Variants in CDH18 observed in about 807,000 individuals in gnomAD.
The protein encoded by CDH18 is cadherin-18.
In CDH18, 31 loss-of-function variants were observed where a neutral mutation model predicts 67.9. The observed-to-expected ratio is 0.46, with a 90% confidence interval of 0.34 to 0.62. CDH18 has a LOEUF of 0.62. Among genes scored for constraint, CDH18 ranks in the 20% least tolerant of loss-of-function variants. The pLI, the probability that CDH18 is intolerant of heterozygous loss-of-function variation, is 0.01. For missense variants in CDH18, 890 were observed against 975.5 expected (o/e 0.91, Z 1.17); for synonymous variants, 362 against 347.2 (o/e 1.04, Z -0.48).
chr5:20,109,194 T>G (rs1399549703), intron 2 of CDH18, among the ~76,000 whole-genome samples: 2 of 152,184 alleles, frequency 1.3e-5, no homozygotes, highest in Non-Finnish European at 2.9e-5. Context: ...GAAATGGGGA[T>G]AGCAATTGAG....
At chr5:20,020,466 T>C (rs1168188764) in intron 2 of CDH18, among the ~76,000 whole-genome samples, 2 of 152,026 alleles carry the variant, frequency 1.3e-5, no homozygotes, top group East Asian at 1.9e-4. Flanking sequence ...GAGGGAAGAA[T>C]AGTTTTGCAG....
chr5:20,356,870 CTA>C (rs145257142), intron 1 of CDH18, among the ~76,000 whole-genome samples: 6,755 of 148,488 alleles, frequency 0.045, 496 homozygotes, highest in African/African-American at 0.16. Context: ...TACATATATA[CTA>C]TATATATACT....
chr5:20,479,873 C>A (rs757871066), intron 1 of CDH18, among the ~76,000 whole-genome samples: 1 of 151,928 alleles, frequency 6.6e-6, no homozygotes, highest in Non-Finnish European at 1.5e-5. Flanking sequence ...AAGAAAGTAA[C>A]CTAAAAGCAG....
rs574191954 is a variant in CDH18, at chr5:20,282,120, C to T, written c.-579-26615G>A. 1.6e-3 allele frequency among the ~76,000 whole-genome samples: 248 copies of T among 152,204 alleles called. 1 individual carries two copies. Among genetic ancestry groups the T allele is most frequent in the African/African-American group, 5.6e-3 (233 of 41,546 alleles). ...AGCTTAAGGAGATTTTGGGCTGAGACGATGGGGTTTTCTAGATATACAATC... is the reference window on the plus strand; with the variant it reads ...AGCTTAAGGAGATTTTGGGCTGAGATGATGGGGTTTTCTAGATATACAATC... On this transcript the variant is annotated intron_variant, in intron 1 of 14. Transcript: ENST00000507958.
intron 2 of CDH18, among the ~76,000 whole-genome samples, chr5:20,065,008 C>T (rs1742851360): frequency 6.6e-6 from 1 of 151,916 alleles, no homozygotes; most frequent in South Asian, 2.1e-4. Context: ...ATTAATTTTC[C>T]TAAACTGTTA....
At chr5:19,650,778 T>A (rs1755461678) in intron 5 of CDH18, among the ~76,000 whole-genome samples, 1 of 151,946 alleles carries the variant, frequency 6.6e-6, no homozygotes. Flanking sequence ...TATATGGGAG[T>A]AATCACAAAT....
chr5:19,899,863 C>T (rs865834064), intron 2 of CDH18, among the ~76,000 whole-genome samples: 3 of 152,086 alleles, frequency 2.0e-5, no homozygotes, highest in Non-Finnish European at 2.9e-5. Context: ...CATGATTCCA[C>T]TTATACGAGG....
In CDH18 at chr5:19,886,561, C is replaced by T. The variant is rs144797512; in HGVS notation, c.-256-47319G>A. ...GTTCCTGAGATTTGCTGTGTTTCCT[C>T]GCAATCAATCTTTCTCTTTTGAGTA... On this transcript the variant is annotated intron_variant, in intron 2 of 12. Transcript: ENST00000382275. 2.6e-4 allele frequency among the ~76,000 whole-genome samples: 40 copies of T among 152,228 alleles called. 1 individual carries two copies. The East Asian group carries it at 7.4e-3, about 28-fold the overall frequency.
chr5:20,570,920 G>GA, intron 1 of CDH18, among the ~76,000 whole-genome samples: 1 of 152,248 alleles, frequency 6.6e-6, no homozygotes, highest in South Asian at 2.1e-4. Context: ...ATTTTGTAGA[G>GA]AAAACAATTC....
intron 9 of CDH18, among the ~76,000 whole-genome samples, chr5:19,541,078 A>G (rs1421783113): frequency 1.3e-5 from 2 of 152,120 alleles, no homozygotes; most frequent in Non-Finnish European, 2.9e-5. Context: ...ACCCCAAATC[A>G]TCTCTCTCCA....
At chr5:20,120,864 T>A (rs1169677871) in intron 2 of CDH18, among the ~76,000 whole-genome samples, 1 of 152,148 alleles carries the variant, frequency 6.6e-6, no homozygotes, top group African/African-American at 2.4e-5. Flanking sequence ...TTCAAATGAT[T>A]AGCATCTGAT....
intron 7 of CDH18, among the ~76,000 whole-genome samples, chr5:19,583,229 T>A (rs9292680): frequency 6.6e-5 from 10 of 152,082 alleles, no homozygotes; most frequent in Admixed American, 1.3e-4. Flanking sequence ...TTGAAAAGTC[T>A]TATCCTATCA....
chr5:20,187,749 T>A (rs1012444611), intron 2 of CDH18, among the ~76,000 whole-genome samples: 2 of 152,024 alleles, frequency 1.3e-5, no homozygotes, highest in African/African-American at 2.4e-5. Flanking sequence ...CTTTATTTTA[T>A]ATTAACACCA....
At chr5:20,378,908 T>C (rs909447467) in intron 1 of CDH18, among the ~76,000 whole-genome samples, 1 of 152,120 alleles carries the variant, frequency 6.6e-6, no homozygotes, top group Non-Finnish European at 1.5e-5. Flanking sequence ...AAAAGATATC[T>C]TACCTTAATT....
intron 2 of CDH18, among the ~76,000 whole-genome samples, chr5:20,055,939 A>G (rs1741858608): frequency 2.1e-5 from 3 of 139,898 alleles, no homozygotes; most frequent in African/African-American, 8.0e-5. Flanking sequence ...CCAGCATTAT[A>G]TAGGGCTTGC....
At chr5:19,872,543 C>A (rs776965384) in intron 2 of CDH18, among the ~76,000 whole-genome samples, 1 of 152,248 alleles carries the variant, frequency 6.6e-6, no homozygotes, top group Non-Finnish European at 1.5e-5. Context: ...CTTGAAGATG[C>A]AAGCTGCCAT....
intron 5 of CDH18, among the ~76,000 whole-genome samples, chr5:19,719,903 G>GAA (rs1765809179): frequency 7.6e-6 from 1 of 130,872 alleles, no homozygotes; most frequent in Non-Finnish European, 1.6e-5. Flanking sequence ...AGTTAAGCAA[G>GAA]AGAAAGAAAG....
At chr5:19,555,914 A>G (rs1302502088) in intron 8 of CDH18, among the ~76,000 whole-genome samples, 1 of 152,204 alleles carries the variant, frequency 6.6e-6, no homozygotes, top group African/African-American at 2.4e-5. Context: ...TGGTATCCAC[A>G]GCTGAGAGAC....
At chr5:19,622,057 C>T (rs1274636762) in intron 5 of CDH18, among the ~76,000 whole-genome samples, 4 of 152,046 alleles carry the variant, frequency 2.6e-5, no homozygotes, top group Non-Finnish European at 4.4e-5. Flanking sequence ...GCTATGGGAT[C>T]CTGCTTCAAA....
Sources: gnomAD v4.1 joint callset for allele counts (sites outside exome capture counted in the v4.1 genomes callset) on GRCh38, gnomAD v4.1.1 for gene constraint, MANE v1.5 for transcripts, NCBI Gene and HGNC (gene_info 2026-07-23, HGNC 2026-07-21) for gene names.